Variants in LHFPL2 observed in about 807,000 individuals in gnomAD.
LHFPL2 encodes LHFPL tetraspan subfamily member 2.
A neutral mutation model predicts 17.5 loss-of-function variants in LHFPL2; 7 were observed. The observed-to-expected ratio is 0.40, with a 90% CI of 0.23 to 0.75. LHFPL2 has a LOEUF of 0.75. LHFPL2 is among the 30% of genes least tolerant of loss of function. LHFPL2 has a pLI of 0.37. For missense variants in LHFPL2, 241 were observed against 294.8 expected, an observed-to-expected ratio of 0.82 and a Z score of 1.34; for synonymous variants, 134 against 116.2, an observed-to-expected ratio of 1.15 and a Z score of -0.99.
At position 78,635,573 on chromosome 5, in the gene LHFPL2, C is replaced by T. The variant is rs186504346; in HGVS notation, c.-349-3205G>A. ...ATTCCAGCACTTTGGGAGGCCCAGG[C>T]GGGCGGACCACGAGGTCAGGAGATC... On this transcript the variant is annotated intron_variant, in intron 1 of 4. Coordinates refer to ENST00000380345, the MANE Select transcript of LHFPL2 (RefSeq NM_005779.3). Among the ~76,000 whole-genome samples, 1,403 of 152,306 alleles carry T rather than the reference C, an allele frequency of 9.2e-3. 24 individuals are homozygous for T. The highest frequency in any genetic ancestry group is 0.031 in the African/African-American group (1,308 of 41,550).
intron 2 of LHFPL2, among the ~76,000 whole-genome samples, chr5:78,622,803 T>C (rs1326855192): frequency 6.6e-6 from 1 of 152,202 alleles, no homozygotes; most frequent in Non-Finnish European, 1.5e-5. Context: ...CAGGGTGAGC[T>C]GGGCTGCTTG....
chr5:78,500,888 T>C (rs11737914), intron 4 of LHFPL2, among the ~76,000 whole-genome samples: 36,652 of 152,154 alleles, frequency 0.24, 4,729 homozygotes, highest in East Asian at 0.46. Flanking sequence ...GCCGGGTCTA[T>C]ATCAGAATTG....
At chr5:78,614,117 G>A (rs1328092048) in intron 2 of LHFPL2, among the ~76,000 whole-genome samples, 6 of 152,204 alleles carry the variant, frequency 3.9e-5, no homozygotes, top group Non-Finnish European at 7.3e-5. Context: ...TGAGAAACAC[G>A]AGTTAATGAA....
intron 2 of LHFPL2, among the ~76,000 whole-genome samples, chr5:78,586,146 A>C (rs1030145552): frequency 6.6e-6 from 1 of 152,226 alleles, no homozygotes; most frequent in African/African-American, 2.4e-5. Flanking sequence ...AGCAGAGCCC[A>C]GCTCCCATGG....
At chr5:78,635,183 G>T (rs1745390336) in intron 1 of LHFPL2, among the ~76,000 whole-genome samples, 1 of 152,226 alleles carries the variant, frequency 6.6e-6, no homozygotes, top group African/African-American at 2.4e-5. Context: ...ACAAGCTTTG[G>T]CTTTGGCAGC....
intron 4 of LHFPL2, among the ~76,000 whole-genome samples, chr5:78,489,496 T>C (rs1754367037): frequency 6.6e-6 from 1 of 152,200 alleles, no homozygotes; most frequent in African/African-American, 2.4e-5. Flanking sequence ...CTTGAACTCC[T>C]GGGCTCAAGC....
chr5:78,549,484 T>C (rs1756377395), intron 3 of LHFPL2, among the ~76,000 whole-genome samples: 1 of 152,236 alleles, frequency 6.6e-6, no homozygotes, highest in Non-Finnish European at 1.5e-5. Context: ...GTCAGAGTTA[T>C]AGGAGTTCTG....
At chr5:78,551,996 A>C (rs2112394442) in intron 3 of LHFPL2, among the ~76,000 whole-genome samples, 1 of 152,294 alleles carries the variant, frequency 6.6e-6, no homozygotes, top group African/African-American at 2.4e-5. Flanking sequence ...ATGCCTGTTC[A>C]TACTCTGTTG....
chr5:78,597,439 T>C (rs552682839), intron 2 of LHFPL2, among the ~76,000 whole-genome samples: 1 of 152,310 alleles, frequency 6.6e-6, no homozygotes, highest in South Asian at 2.1e-4. Context: ...AAAGGTCTCT[T>C]TGTGTGGGAC....
chr5:78,537,946 G>A (rs902745836), intron 3 of LHFPL2, among the ~76,000 whole-genome samples: 4 of 152,178 alleles, frequency 2.6e-5, no homozygotes, highest in African/African-American at 7.2e-5. Context: ...ATCTTGGGGC[G>A]CTACAGGGAT....
At chr5:78,527,363 G>GTTT (rs35135294) in intron 3 of LHFPL2, among the ~76,000 whole-genome samples, 1,745 of 107,846 alleles carry the variant, frequency 0.016, 17 homozygotes, top group East Asian at 0.022. Context: ...CTGATGAGGA[G>GTTT]TTTTTTTTTT....
intron 2 of LHFPL2, among the ~76,000 whole-genome samples, chr5:78,627,334 T>C (rs1287774197): frequency 6.6e-6 from 1 of 152,058 alleles, no homozygotes; most frequent in African/African-American, 2.4e-5. Context: ...AAAAGCCCTT[T>C]CTATCCTCCC....
At position 78,557,658 on chromosome 5, in the gene LHFPL2, C is replaced by T. The variant is rs182332356; in HGVS notation, c.-186+7155G>A. Among the ~76,000 whole-genome samples, 187 of 152,378 alleles carry T rather than the reference C, an allele frequency of 1.2e-3. 1 individual carries two copies. The highest frequency in any genetic ancestry group is 2.9e-3 in the South Asian group (14 of 4,828). ...AGGAAGTGTCCACCTCCTAACACCA[C>T]TTGGCCACAGTTATAGAACAATTTG... On this transcript the variant is annotated intron_variant, in intron 3 of 4. Coordinates refer to ENST00000380345, the MANE Select transcript of LHFPL2 (RefSeq NM_005779.3).
At chr5:78,624,759 C>CGGCT (rs1744970165) in intron 2 of LHFPL2, 1 of 151,664 alleles carries the variant, frequency 6.6e-6, no homozygotes, top group South Asian at 2.1e-4. Flanking sequence ...TTTGAGTTAC[C>CGGCT]AGCCTAGAAG....
chr5:78,511,028 C>T lies in LHFPL2; in HGVS notation c.-185-630G>A, dbSNP rs961575001. 7.2e-5 allele frequency among the ~76,000 whole-genome samples: 11 copies of T among 152,156 alleles called. 1 individual carries two copies. The South Asian group carries it at 1.4e-3, about 20-fold the overall frequency. The stretch of plus-strand genomic sequence containing the variant: ...GTAAAAGAATAAACAAAACATTGCT[C>T]CCATACCTATACTTTATCCATTTTT... On this transcript the variant is annotated intron_variant, in intron 3 of 4. Transcript: ENST00000380345.
Position 78,542,300 on chromosome 5 carries a change from C to T in LHFPL2, c.-186+22513G>A, listed in dbSNP as rs1457608234. On this transcript the variant is annotated intron_variant, in intron 3 of 4. Coordinates refer to ENST00000380345, the MANE Select transcript of LHFPL2 (RefSeq NM_005779.3). ...TGAATGGGAAATGCTGCTGTGACCA[C>T]ACCAGTAGGCCAATCAAAGAAGCCC... 2.0e-5 allele frequency among the ~76,000 whole-genome samples: 3 copies of T among 152,188 alleles called. No individual in the cohort carries two copies. In the East Asian group the frequency reaches 5.8e-4, roughly 29 times the overall value.
chr5:78,594,600 A>G (rs1743762756), intron 2 of LHFPL2, among the ~76,000 whole-genome samples: 2 of 152,232 alleles, frequency 1.3e-5, no homozygotes, highest in Admixed American at 1.3e-4. Flanking sequence ...CCAGAGCCCT[A>G]CAAATCATGA....
chr5:78,642,098 C>CTTTTGCA (rs1745687660), intron 1 of LHFPL2: 1 of 152,168 alleles, frequency 6.6e-6, no homozygotes, highest in Non-Finnish European at 1.5e-5. Context: ...GACAGACAGT[C>CTTTTGCA]GCCTTTTTGC....
At chr5:78,615,638 C>T (rs1744574809) in intron 2 of LHFPL2, among the ~76,000 whole-genome samples, 1 of 152,104 alleles carries the variant, frequency 6.6e-6, no homozygotes, top group Admixed American at 6.5e-5. Context: ...CGTGAGAAGC[C>T]CTTTCCCTTA....
Sources: gnomAD v4.1 joint callset for allele counts (sites outside exome capture counted in the v4.1 genomes callset) on GRCh38, gnomAD v4.1.1 for gene constraint, MANE v1.5 for transcripts, NCBI Gene and HGNC (gene_info 2026-07-23, HGNC 2026-07-21) for gene names.